RRP12: variants seen among roughly 807,000 people sequenced by gnomAD.
The protein encoded by RRP12 is RRP12-like protein.
Under a neutral mutation model 157.3 loss-of-function variants are expected in RRP12, and 78 were observed. The observed-to-expected ratio is 0.50, with a 90% CI of 0.41 to 0.60. RRP12 has a LOEUF of 0.60. Ranked by LOEUF, RRP12 falls within the 20% of genes least tolerant of loss-of-function variation. The pLI is 0.00. For synonymous variants in RRP12, 726 were observed against 670.9 expected (o/e 1.08, Z -1.27); for missense variants, 1,521 against 1,679.9 (o/e 0.91, Z 1.65).
chr10:97,380,691 G>C, intron 13 of RRP12, 108 bp downstream of exon 13: 1 of 763,716 alleles, frequency 1.3e-6, no homozygotes, highest in Non-Finnish European at 2.3e-6. Context: ...CTGTCAGGGT[G>C]GGGTGCGGAG....
chr10:97,368,504 C>T (rs1425412162), intron 25 of RRP12, among the ~76,000 whole-genome samples: 2 of 151,462 alleles, frequency 1.3e-5, no homozygotes, highest in African/African-American at 4.9e-5. Flanking sequence ...ATTGCAGGCA[C>T]CTGCCACCTC....
chr10:97,386,263 ATTTTTTT>A (rs60314380), intron 8 of RRP12, among the ~76,000 whole-genome samples: 9 of 138,926 alleles, frequency 6.5e-5, no homozygotes, highest in East Asian at 6.2e-4. Context: ...TTACAGCTGT[ATTTTTTT>A]TTTTTTTTTT....
Position 97,357,199 on chromosome 10 carries a change from G to C in RRP12, c.3792-3C>G. 1.3e-6 allele frequency: 2 copies of C among 1,591,996 alleles called. No homozygotes were observed. Among genetic ancestry groups the C allele is most frequent in the Non-Finnish European group, 1.7e-6 (2 of 1,162,654 alleles). Reference sequence around the variant, plus strand: ...GTCCCTGCAGCTTCATCTTCTTCCTGCAGGGCCAAGGAACGGAAGGGTCAC... The same window carrying C: ...GTCCCTGCAGCTTCATCTTCTTCCTCCAGGGCCAAGGAACGGAAGGGTCAC... On this transcript the variant is annotated splice_region_variant and splice_polypyrimidine_tract_variant and intron_variant, in intron 33 of 33. Coordinates refer to ENST00000370992, the MANE Select transcript of RRP12 (RefSeq NM_015179.4).
chr10:97,387,481 G>A (rs1327883542), intron 8 of RRP12, among the ~76,000 whole-genome samples: 22 of 151,634 alleles, frequency 1.5e-4, no homozygotes, highest in Admixed American at 5.9e-4. Flanking sequence ...TTATAGGCGC[G>A]TGCAGCCATG....
At chr10:97,365,278 T>G (rs954507477) in intron 29 of RRP12, among the ~76,000 whole-genome samples, 2 of 149,158 alleles carry the variant, frequency 1.3e-5, no homozygotes, top group Admixed American at 6.7e-5. Flanking sequence ...AGGTGTTTTT[T>G]TTTTTTTTTT....
rs902964668 is a variant in RRP12 at position 97,363,741 on chromosome 10, C to T, written c.3567+113G>A. 20 of 982,694 alleles carry T rather than the reference C, an allele frequency of 2.0e-5. No homozygotes were observed. The East Asian group carries it at 3.3e-4, about 16-fold the overall frequency. The allele number at this position is 982,694 out of a possible 1,614,324, so 60.9% of individuals were successfully genotyped here. Reference sequence around the variant, plus strand: ...GCTATGCACACCTGTGAGGATGCACCGAGCATTCCAGAAACAGGGCAGTTC... The same window carrying T: ...GCTATGCACACCTGTGAGGATGCACTGAGCATTCCAGAAACAGGGCAGTTC... On this transcript the variant is annotated intron_variant, in intron 30 of 33. Transcript: ENST00000370992.
chr10:97,375,446 T>A (rs987004048), intron 15 of RRP12, among the ~76,000 whole-genome samples: 8 of 152,054 alleles, frequency 5.3e-5, no homozygotes, highest in African/African-American at 7.3e-5. Context: ...GGAACCCTAA[T>A]GAGAAAGATA....
intron 10 of RRP12, among the ~76,000 whole-genome samples, chr10:97,384,204 G>GA (rs113556539): frequency 0.37 from 53,280 of 142,504 alleles, 10,623 homozygotes; most frequent in African/African-American, 0.49. Flanking sequence ...AGCCAGGATG[G>GA]GGCTCTGAGC....
In RRP12 at chr10:97,400,356, G is replaced by A. The variant is rs1306843048; in HGVS notation, c.318C>T (p.Thr106=). 2 of 1,613,890 alleles carry A rather than the reference G, an allele frequency of 1.2e-6. No homozygotes were observed. The highest frequency in any genetic ancestry group is 1.7e-6 in the Non-Finnish European group (2 of 1,180,002). The change falls in exon 2 of 34, where the codon ACC becomes ACT. Residue 106 remains threonine (T), a synonymous_variant. Coordinates refer to ENST00000370992, the MANE Select transcript of RRP12 (RefSeq NM_015179.4). Reference sequence around the variant, plus strand: ...CCCAGAAGCGCTGTACTTTGCTGAAGGTGACGTTTGTGCAGTCGGAAAGGC... The same window carrying A: ...CCCAGAAGCGCTGTACTTTGCTGAAAGTGACGTTTGTGCAGTCGGAAAGGC... ...LSGLSDCTNV[T]FSKVQRFWES...
chr10:97,388,507 C>T lies in RRP12; in HGVS notation c.871G>A (p.Glu291Lys). The change falls in exon 7 of 34, where the codon GAG (glutamate) becomes AAG (lysine). Residue 291 changes from glutamate (E) to lysine (K), a missense_variant. Glu to Lys is a moderately conservative substitution (Grantham distance 56). Coordinates refer to ENST00000370992, the MANE Select transcript of RRP12 (RefSeq NM_015179.4). The part of the protein sequence containing the change: ...AISTAKFCIQ[E>K]IEKSGGSKEA... Reference sequence around the variant, plus strand: ...TCCCCACCTCCAGACTTCTCAATCTCCTGGATGCAGAACTTGGCAGTGGAA... The same window carrying T: ...TCCCCACCTCCAGACTTCTCAATCTTCTGGATGCAGAACTTGGCAGTGGAA... The T allele has an allele frequency of 6.2e-7, 1 of 1,614,196 alleles. No homozygotes were observed. Among genetic ancestry groups the T allele is most frequent in the Non-Finnish European group, 8.5e-7 (1 of 1,180,034 alleles).
chr10:97,359,612 C>T (rs1438395644), intron 31 of RRP12, among the ~76,000 whole-genome samples: 1 of 152,214 alleles, frequency 6.6e-6, no homozygotes, highest in Non-Finnish European at 1.5e-5. Context: ...ACCATGCCAG[C>T]TCAGGAGGAC....
chr10:97,371,682 G>A (rs1451186918), intron 20 of RRP12: 2 of 199,094 alleles, frequency 1.0e-5, no homozygotes, highest in Non-Finnish European at 2.1e-5. Context: ...CCCAAACCCT[G>A]CAAAGGCACA....
At chr10:97,359,779 G>A (rs1051461487) in intron 31 of RRP12, among the ~76,000 whole-genome samples, 6 of 152,230 alleles carry the variant, frequency 3.9e-5, no homozygotes, top group Non-Finnish European at 5.9e-5. Flanking sequence ...CTCATCAATT[G>A]GCAGGTACTC....
intron 20 of RRP12, chr10:97,371,289 A>C: frequency 1.7e-6 from 1 of 605,886 alleles, no homozygotes; most frequent in Non-Finnish European, 2.9e-6. Context: ...GGGCCCACCA[A>C]TCCACTCCAC....
In RRP12 at chr10:97,370,813, A is replaced by G. The variant is rs1844126858; in HGVS notation, c.2503-17T>C. 2 of 1,612,154 alleles carry G rather than the reference A, an allele frequency of 1.2e-6. No homozygotes were observed. The highest frequency in any genetic ancestry group is 1.3e-5 in the African/African-American group (1 of 74,896). ...CAAACGGGGCTGTGGGCAAAGGGCTACCAGTCAGGACCCCTCAATGCTACC... is the reference window on the plus strand; with the variant it reads ...CAAACGGGGCTGTGGGCAAAGGGCTGCCAGTCAGGACCCCTCAATGCTACC... On this transcript the variant is annotated splice_polypyrimidine_tract_variant and intron_variant, in intron 21 of 33. Coordinates refer to ENST00000370992, the MANE Select transcript of RRP12 (RefSeq NM_015179.4).
intron 25 of RRP12, 167 bp from the exon 26 acceptor site, chr10:97,367,299 G>C (rs1370498572): frequency 8.0e-6 from 5 of 624,564 alleles, no homozygotes; most frequent in Non-Finnish European, 1.1e-5. Flanking sequence ...CCCTCGGGTG[G>C]GCAGGCCCCA....
At chr10:97,396,325 G>A in intron 2 of RRP12, 24 bp from the exon 3 acceptor site, 1 of 1,598,848 alleles carries the variant, frequency 6.3e-7, no homozygotes, top group Non-Finnish European at 8.6e-7. Context: ...AGAAAGCACT[G>A]TGACTATTTT....
In RRP12 at chr10:97,372,063, C is replaced by T. The variant is rs1392218680; in HGVS notation, c.2343+10G>A. On this transcript the variant is annotated intron_variant, in intron 20 of 33. Transcript: ENST00000370992. Reference sequence around the variant, plus strand: ...GTGGCTGTGTGGCGCTCCTGGCCCCCGAGGCTCACCTCTAGGTAGGGCCGG... The same window carrying T: ...GTGGCTGTGTGGCGCTCCTGGCCCCTGAGGCTCACCTCTAGGTAGGGCCGG... 1.3e-5 allele frequency: 21 copies of T among 1,604,788 alleles called. No homozygotes were observed. Among genetic ancestry groups the T allele is most frequent in the African/African-American group, 9.4e-5 (7 of 74,754 alleles).
chr10:97,401,250 A>G lies in RRP12; in HGVS notation c.-19T>C, dbSNP rs746378096. 6.8e-6 allele frequency: 11 copies of G among 1,613,992 alleles called. No homozygotes were observed. The highest frequency in any genetic ancestry group is 9.3e-6 in the Non-Finnish European group (11 of 1,179,900). ...GACCCATGTTGACTAAGCCGTGGCGAGGAATGAGCTTAAATGACCGGCTTC... is the reference window on the plus strand; with the variant it reads ...GACCCATGTTGACTAAGCCGTGGCGGGGAATGAGCTTAAATGACCGGCTTC... On this transcript the variant is annotated 5_prime_UTR_variant, in exon 1 of 34. Coordinates refer to ENST00000370992, the MANE Select transcript of RRP12 (RefSeq NM_015179.4).
Sources: allele counts gnomAD v4.1 joint callset (sites outside exome capture counted in the v4.1 genomes callset), GRCh38; gene constraint gnomAD v4.1.1; transcripts MANE v1.5; gene names NCBI Gene and HGNC (gene_info 2026-07-23, HGNC 2026-07-21).